The following TMPRSS11E variants were observed in gnomAD, a reference collection of about 807,000 sequenced individuals.
TMPRSS11E encodes the protein transmembrane protease serine 11E.
In TMPRSS11E, 38 loss-of-function variants were observed where a neutral mutation model predicts 48.1. The ratio of observed to expected loss-of-function variants is 0.79; its 90% CI spans 0.61 to 1.04. The LOEUF (loss-of-function observed/expected upper bound fraction) is 1.04. TMPRSS11E is among the 50% of genes least tolerant of loss of function. The pLI, the probability that TMPRSS11E is intolerant of heterozygous loss-of-function variation, is 0.00. For synonymous variants in TMPRSS11E, 158 were observed against 171.9 expected, an observed-to-expected ratio of 0.92 and a Z score of 0.63; for missense variants, 530 against 510.8, an observed-to-expected ratio of 1.04 and a Z score of -0.36.
At chr4:68,470,734 A>G (rs181884684) in intron 4 of TMPRSS11E, among the ~76,000 whole-genome samples, 2 of 151,900 alleles carry the variant, frequency 1.3e-5, no homozygotes, top group Admixed American at 6.6e-5. Flanking sequence ...GAGTGGGTAA[A>G]GTAGCTGGCA....
At chr4:68,461,388 A>C (rs1319602874) in intron 1 of TMPRSS11E, among the ~76,000 whole-genome samples, 1 of 152,210 alleles carries the variant, frequency 6.6e-6, no homozygotes, top group East Asian at 1.9e-4. Flanking sequence ...AAGATTCTAG[A>C]GTGCTAGAGA....
At chr4:68,474,404 A>G (rs1729153861) in intron 5 of TMPRSS11E, among the ~76,000 whole-genome samples, 1 of 152,110 alleles carries the variant, frequency 6.6e-6, no homozygotes, top group South Asian at 2.1e-4. Flanking sequence ...GACTCTCTGC[A>G]TCTTATTTAC....
intron 9 of TMPRSS11E, among the ~76,000 whole-genome samples, chr4:68,494,573 T>C (rs2109727453): frequency 6.6e-6 from 1 of 152,314 alleles, no homozygotes; most frequent in East Asian, 1.9e-4. Context: ...ATTTTAGAAG[T>C]TTCTGAATAC....
chr4:68,447,575 A>G, intron 1 of TMPRSS11E, 52 bp downstream of exon 1: 1 of 1,524,412 alleles, frequency 6.6e-7, no homozygotes, highest in African/African-American at 1.4e-5. Context: ...CTTTTAGTTT[A>G]AAACAGTATG....
At chr4:68,492,100 C>A (rs1000395633) in intron 9 of TMPRSS11E, among the ~76,000 whole-genome samples, 1 of 152,176 alleles carries the variant, frequency 6.6e-6, no homozygotes, top group Non-Finnish European at 1.5e-5. Context: ...GAGGAACACA[C>A]GGAACAAAGT....
In TMPRSS11E at chr4:68,476,248, C is replaced by T. The variant is rs1382595631; in HGVS notation, c.530-13C>T. On this transcript the variant is annotated splice_polypyrimidine_tract_variant and intron_variant, in intron 6 of 9. Transcript: ENST00000305363. ...ATGCACCCACCAATGCACCCCCCCTCTCTCTTTTGCAGGCTGCGGAACACG... is the reference window on the plus strand; with the variant it reads ...ATGCACCCACCAATGCACCCCCCCTTTCTCTTTTGCAGGCTGCGGAACACG... 6.2e-7 allele frequency: 1 copy of T among 1,613,634 alleles called. No individual in the cohort carries two copies. Among genetic ancestry groups the T allele is most frequent in the African/African-American group, 1.3e-5 (1 of 75,032 alleles).
chr4:68,456,678 G>A (rs150467044), intron 1 of TMPRSS11E, among the ~76,000 whole-genome samples: 4,038 of 151,888 alleles, frequency 0.027, 180 homozygotes, highest in African/African-American at 0.092. Flanking sequence ...GCTAAGCTAC[G>A]GTCAAATACA....
chr4:68,466,100 C>T (rs1254889702), intron 2 of TMPRSS11E, among the ~76,000 whole-genome samples: 1 of 152,130 alleles, frequency 6.6e-6, no homozygotes, highest in Non-Finnish European at 1.5e-5. Context: ...ACTTTAGCTC[C>T]CTAAACTTCC....
intron 9 of TMPRSS11E, among the ~76,000 whole-genome samples, chr4:68,494,438 T>G (rs1729814594): frequency 6.6e-6 from 1 of 152,210 alleles, no homozygotes; most frequent in Non-Finnish European, 1.5e-5. Flanking sequence ...CTAGACTATT[T>G]TCCCACTTTA....
chr4:68,486,218 C>T (rs34075485), intron 9 of TMPRSS11E, among the ~76,000 whole-genome samples: 8,142 of 152,096 alleles, frequency 0.054, 274 homozygotes, highest in South Asian at 0.081. Context: ...TCTAGTTCCT[C>T]AAGGTGTGAT....
At chr4:68,478,556 G>C (rs1729308307) in intron 8 of TMPRSS11E, among the ~76,000 whole-genome samples, 1 of 143,228 alleles carries the variant, frequency 7.0e-6, no homozygotes, top group Admixed American at 7.6e-5. Context: ...CCGGGTTCAA[G>C]AGATTTACCT....
intron 7 of TMPRSS11E, 149 bp downstream of exon 7, chr4:68,476,587 TAGTA>T (rs1729226333): frequency 1.3e-6 from 1 of 766,766 alleles, no homozygotes. Context: ...TTGTAAACAT[TAGTA>T]AGAGGTTTTA....
intron 5 of TMPRSS11E, among the ~76,000 whole-genome samples, chr4:68,471,912 T>C (rs910186247): frequency 6.6e-6 from 1 of 151,932 alleles, no homozygotes; most frequent in African/African-American, 2.4e-5. Context: ...TGGCTTTGTA[T>C]TTTCTTCTTT....
chr4:68,486,243 TTAAGA>T (rs1218099909), intron 9 of TMPRSS11E, among the ~76,000 whole-genome samples: 1 of 152,184 alleles, frequency 6.6e-6, no homozygotes, highest in Non-Finnish European at 1.5e-5. Context: ...CATTGTTAAT[TTAAGA>T]TATTTATATC....
intron 1 of TMPRSS11E, among the ~76,000 whole-genome samples, chr4:68,459,898 G>A (rs1198715002): frequency 6.6e-6 from 1 of 152,072 alleles, no homozygotes; most frequent in Non-Finnish European, 1.5e-5. Flanking sequence ...AAGCATTCAG[G>A]GATGAAGGAA....
At chr4:68,472,235 G>T (rs1215981487) in intron 5 of TMPRSS11E, among the ~76,000 whole-genome samples, 2 of 151,706 alleles carry the variant, frequency 1.3e-5, no homozygotes, top group Admixed American at 1.3e-4. Flanking sequence ...TCTGGCTAAG[G>T]GCTGGTTCAT....
At chr4:68,454,141 A>G (rs1453757427) in intron 1 of TMPRSS11E, among the ~76,000 whole-genome samples, 1 of 151,956 alleles carries the variant, frequency 6.6e-6, no homozygotes, top group Non-Finnish European at 1.5e-5. Flanking sequence ...AGTTTCTAGT[A>G]TAGCTGTATT....
intron 1 of TMPRSS11E, among the ~76,000 whole-genome samples, chr4:68,459,045 C>T (rs775362022): frequency 1.2e-4 from 18 of 144,326 alleles, no homozygotes; most frequent in African/African-American, 2.6e-4. Context: ...TGAATCTCTG[C>T]GTACAAGACT....
At chr4:68,485,206 G>A (rs1221840616) in intron 9 of TMPRSS11E, among the ~76,000 whole-genome samples, 1 of 152,016 alleles carries the variant, frequency 6.6e-6, no homozygotes, top group East Asian at 1.9e-4. Context: ...GAGTGCAGTG[G>A]TGCGATCTCA....
Sources: allele counts gnomAD v4.1 joint callset (sites outside exome capture counted in the v4.1 genomes callset), GRCh38; gene constraint gnomAD v4.1.1; transcripts MANE v1.5; gene names NCBI Gene and HGNC (gene_info 2026-07-23, HGNC 2026-07-21).